Variants in MTUS1 observed in about 807,000 individuals in gnomAD.
The protein encoded by MTUS1 is microtubule associated scaffold protein 1.
Under a neutral mutation model 120.8 loss-of-function variants are expected in MTUS1, and 109 were observed. The ratio of observed to expected loss-of-function variants is 0.90; its 90% CI spans 0.77 to 1.06. The LOEUF (loss-of-function observed/expected upper bound fraction) is 1.06. Among genes scored for constraint, MTUS1 ranks in the 50% least tolerant of loss-of-function variants. MTUS1 has a pLI of 0.00. For synonymous variants in MTUS1, 737 were observed against 550.5 expected (o/e 1.34, Z -4.74); for missense variants, 2,210 against 1,486.3 (o/e 1.49, Z -8.01).
chr8:17,756,022 G>GGTTTCAATCACTAAGTGATTA, intron 1 of MTUS1, 61 bp from the exon 2 acceptor site: 2 of 1,048,886 alleles, frequency 1.9e-6, no homozygotes, highest in South Asian at 4.0e-5. Flanking sequence ...GCCACCCCTT[G>GGTTTCAATCACTAAGTGATTA]GTTTCAATCA....
intron 8 of MTUS1, among the ~76,000 whole-genome samples, chr8:17,663,242 T>C (rs1463985469): frequency 2.0e-5 from 3 of 152,204 alleles, no homozygotes; most frequent in Admixed American, 6.5e-5. Flanking sequence ...ACTTAATTAG[T>C]CCTCATGGCT....
intron 4 of MTUS1, chr8:17,723,441 C>T (rs889582679): frequency 5.1e-5 from 29 of 568,344 alleles, no homozygotes; most frequent in East Asian, 1.6e-4. Context: ...TCACTTCAGA[C>T]GATGCACTTT....
At chr8:17,653,091 C>A in intron 12 of MTUS1, 95 bp downstream of exon 12, 1 of 696,442 alleles carries the variant, frequency 1.4e-6, no homozygotes, top group East Asian at 3.0e-5. Context: ...GATTCCCAAC[C>A]TGTGTTATTT....
chr8:17,780,059 G>A (rs1185822770), intron 1 of MTUS1, among the ~76,000 whole-genome samples: 1 of 152,122 alleles, frequency 6.6e-6, no homozygotes, highest in African/African-American at 2.4e-5. Context: ...GGGTTATGGG[G>A]GTGGATCCCT....
chr8:17,679,507 A>T (rs1006853785), intron 7 of MTUS1, among the ~76,000 whole-genome samples: 2 of 86,448 alleles, frequency 2.3e-5, no homozygotes, highest in African/African-American at 8.3e-5. Context: ...TTATTTATTT[A>T]TTTATTTATT....
chr8:17,689,474 A>T (rs1480304359), intron 6 of MTUS1, among the ~76,000 whole-genome samples: 2 of 152,156 alleles, frequency 1.3e-5, no homozygotes, highest in Admixed American at 6.5e-5. Flanking sequence ...CGCTTATAAA[A>T]TTTTTCCTGA....
intron 1 of MTUS1, among the ~76,000 whole-genome samples, chr8:17,773,165 A>C (rs999011652): frequency 4.6e-5 from 7 of 152,224 alleles, no homozygotes; most frequent in Non-Finnish European, 7.3e-5. Flanking sequence ...TAAAATAAAA[A>C]GATTAGGAAT....
rs142651561 is a variant in MTUS1 at position 17,735,051 on chromosome 8, T to G, written c.2287+8553A>C. Among the ~76,000 whole-genome samples the G allele has an allele frequency of 7.6e-3, 1,150 of 152,248 alleles. 17 individuals carry two copies. Among genetic ancestry groups the G allele is most frequent in the African/African-American group, 0.025 (1,059 of 41,550 alleles). On this transcript the variant is annotated intron_variant, in intron 3 of 14. Transcript: ENST00000693296. ...CTCAGGCTCCCGAGTAGCTAGTAGC[T>G]GAGACCACAGGCGGGAGCCACTGGG...
At chr8:17,731,999 C>A (rs964078053) in intron 3 of MTUS1, among the ~76,000 whole-genome samples, 2 of 152,122 alleles carry the variant, frequency 1.3e-5, no homozygotes, top group Non-Finnish European at 2.9e-5. Flanking sequence ...GACAAGAGGG[C>A]GAAGGGGGAG....
chr8:17,701,113 A>T (rs577492419), intron 6 of MTUS1, among the ~76,000 whole-genome samples: 2 of 152,258 alleles, frequency 1.3e-5, no homozygotes, highest in East Asian at 3.9e-4. Context: ...AAACCAAGTG[A>T]CTTGTGTGGA....
intron 1 of MTUS1, among the ~76,000 whole-genome samples, chr8:17,792,103 G>A (rs2051837853): frequency 6.6e-6 from 1 of 152,086 alleles, no homozygotes; most frequent in Non-Finnish European, 1.5e-5. Flanking sequence ...AAATGTCCTG[G>A]ATACCCATTA....
intron 3 of MTUS1, among the ~76,000 whole-genome samples, chr8:17,733,372 A>AAC (rs1554512291): frequency 6.6e-6 from 1 of 151,818 alleles, no homozygotes; most frequent in African/African-American, 2.4e-5. Context: ...AAAAAAAAAA[A>AAC]CAGCAGACAC....
At chr8:17,723,869 T>G in intron 3 of MTUS1, 36 bp from the exon 4 acceptor site, 2 of 1,502,934 alleles carry the variant, frequency 1.3e-6, no homozygotes, top group Non-Finnish European at 1.8e-6. Flanking sequence ...TTTCCAGTGC[T>G]ATTCATCCCG....
rs749580401 is a variant in MTUS1, at chr8:17,645,934, G to A, written c.3805C>T (p.Pro1269Ser). The A allele has an allele frequency of 1.9e-6, 3 of 1,611,158 alleles. No individual in the cohort carries two copies. The Admixed American group carries it at 5.0e-5, about 27-fold the overall frequency. The change falls in exon 15 of 15, where the codon CCC (proline) becomes TCC (serine). Residue 1269 changes from proline (P) to serine (S), a missense_variant. Coordinates refer to ENST00000693296, the MANE Select transcript of MTUS1 (RefSeq NM_001363059.2). ...TGGACTTTGGGGAGGTGTCATCTGG[G>A]TGAAATGCTGGGGCTAGGGAAGGAG... ...SGSFPSPSIS[P>S]R
At chr8:17,778,793 A>G (rs1222431675) in intron 1 of MTUS1, among the ~76,000 whole-genome samples, 2 of 152,148 alleles carry the variant, frequency 1.3e-5, no homozygotes, top group African/African-American at 4.8e-5. Flanking sequence ...TGGGTGGCCG[A>G]GTAAGACTCT....
In MTUS1 at chr8:17,723,849, AAAC is replaced by A; in HGVS notation, c.2288-19_2288-17del. 1 of 1,537,430 alleles carries A rather than the reference AAAC, an allele frequency of 6.5e-7. No individual in the cohort carries two copies. The highest frequency in any genetic ancestry group is 8.7e-7 in the Non-Finnish European group (1 of 1,143,744). On this transcript the variant is annotated splice_polypyrimidine_tract_variant and intron_variant, in intron 3 of 14. Transcript: ENST00000693296. Reference sequence around the variant, plus strand: ...GTAGGCTTTCCTTGGGGTTTAAAAAAAACAAAAAGTTTCCAGTGCTATTCATCC... The same window carrying A: ...GTAGGCTTTCCTTGGGGTTTAAAAAAAAAAAGTTTCCAGTGCTATTCATCC...
In MTUS1 at chr8:17,701,672, T is replaced by C. The variant is rs409301; in HGVS notation, c.2623+11542A>G. Among the ~76,000 whole-genome samples, 1,411 of 152,114 alleles carry C rather than the reference T, an allele frequency of 9.3e-3. 18 individuals carry two copies. The highest frequency in any genetic ancestry group is 0.033 in the African/African-American group (1,354 of 41,494). The stretch of plus-strand genomic sequence containing the variant: ...AAGTGATTCTCCTGCCTCAGCCTCC[T>C]GAGTAGCTGGGACTACAGGCGCCCG... On this transcript the variant is annotated intron_variant, in intron 6 of 14. Transcript: ENST00000693296.
intron 4 of MTUS1, chr8:17,722,364 T>C (rs2045910540): frequency 1.0e-6 from 1 of 975,442 alleles, no homozygotes; most frequent in Non-Finnish European, 1.2e-6. Flanking sequence ...TGGCAGTTTG[T>C]CTTTAAAATT....
intron 1 of MTUS1, among the ~76,000 whole-genome samples, chr8:17,791,886 A>G (rs2051814112): frequency 6.6e-6 from 1 of 152,194 alleles, no homozygotes; most frequent in Admixed American, 6.5e-5. Flanking sequence ...ATTAGCACCC[A>G]TTGATCATTT....
Sources: allele counts gnomAD v4.1 joint callset (sites outside exome capture counted in the v4.1 genomes callset), GRCh38; gene constraint gnomAD v4.1.1; transcripts MANE v1.5; gene names NCBI Gene and HGNC (gene_info 2026-07-23, HGNC 2026-07-21).